Variants in LRRC8D observed in about 807,000 individuals in gnomAD.
The protein encoded by LRRC8D is leucine rich repeat containing 8 VRAC subunit D, also known as volume-regulated anion channel subunit LRRC8D.
Under a neutral mutation model 55.8 loss-of-function variants are expected in LRRC8D, and 20 were observed. The observed-to-expected ratio is 0.36, with a 90% CI of 0.25 to 0.52. The LOEUF (loss-of-function observed/expected upper bound fraction) is 0.52. LRRC8D is among the 20% of genes least tolerant of loss of function. The pLI is 0.93. For missense variants in LRRC8D, 651 were observed against 1,030.8 expected, an observed-to-expected ratio of 0.63 and a Z score of 5.05; for synonymous variants, 352 against 377.0, an observed-to-expected ratio of 0.93 and a Z score of 0.77.
At chr1:89,906,211 CG>C (rs1383918502) in intron 2 of LRRC8D, among the ~76,000 whole-genome samples, 1 of 152,148 alleles carries the variant, frequency 6.6e-6, no homozygotes, top group Admixed American at 6.5e-5. Flanking sequence ...AGAAAATGAG[CG>C]GAACAATTCC....
At chr1:89,827,343 C>CAA (rs35690511) in intron 1 of LRRC8D, among the ~76,000 whole-genome samples, 16 of 105,048 alleles carry the variant, frequency 1.5e-4, no homozygotes, top group African/African-American at 1.4e-4. Flanking sequence ...GAGACTGTCT[C>CAA]AAAAAAAAAA....
At chr1:89,892,246 G>A (rs1662595786) in intron 2 of LRRC8D, among the ~76,000 whole-genome samples, 1 of 152,176 alleles carries the variant, frequency 6.6e-6, no homozygotes, top group Non-Finnish European at 1.5e-5. Flanking sequence ...TTTAAATTAT[G>A]TACAAGGCTT....
At position 89,934,606 on chromosome 1, in the gene LRRC8D, C is replaced by T. The variant is rs764921968; in HGVS notation, c.1538C>T (p.Thr513Ile). ...ATTCCTGCTAAGATTTCTCAAATGA[C>T]TAACCTCCAAGAGCTCCACCTCTGC... ...AKIPAKISQMTNLQELHLCHC... is the reference protein window; with the variant it reads ...AKIPAKISQMINLQELHLCHC... Residue 513 changes from threonine to isoleucine, a missense_variant, in exon 3 of 3, where the codon ACT becomes ATT. Physicochemically the swap from Thr to Ile is moderately conservative, Grantham distance 89. Coordinates refer to ENST00000337338, the MANE Select transcript of LRRC8D (RefSeq NM_001134479.2). The surrounding 1 kb of genome is among the most constrained non-coding windows in gnomAD (Gnocchi z 5.9). The T allele has an allele frequency of 4.3e-6, 7 of 1,614,058 alleles. No homozygotes were observed. The highest frequency in any genetic ancestry group is 5.9e-6 in the Non-Finnish European group (7 of 1,180,038).
chr1:89,901,531 C>G (rs1189515158), intron 2 of LRRC8D, among the ~76,000 whole-genome samples: 1 of 152,178 alleles, frequency 6.6e-6, no homozygotes, highest in Non-Finnish European at 1.5e-5. Flanking sequence ...CCACTGTCTC[C>G]TTCATACTTC....
At chr1:89,871,601 T>G (rs1189464679) in intron 2 of LRRC8D, among the ~76,000 whole-genome samples, 1 of 152,258 alleles carries the variant, frequency 6.6e-6, no homozygotes, top group East Asian at 1.9e-4. Flanking sequence ...TGTCCATTTT[T>G]TTTCATTAAT....
chr1:89,860,867 C>T (rs1219515420), intron 2 of LRRC8D, among the ~76,000 whole-genome samples: 1 of 136,660 alleles, frequency 7.3e-6, no homozygotes, highest in Non-Finnish European at 1.5e-5. Context: ...TTCTTTTTAA[C>T]GTTCTCCATT....
chr1:89,881,243 G>C (rs1384446409), intron 2 of LRRC8D, among the ~76,000 whole-genome samples: 1 of 152,170 alleles, frequency 6.6e-6, no homozygotes. Context: ...AGGAAGGCTG[G>C]TAAAAGTGGG....
At chr1:89,926,065 A>T (rs745835910) in intron 2 of LRRC8D, among the ~76,000 whole-genome samples, 1 of 152,146 alleles carries the variant, frequency 6.6e-6, no homozygotes, top group African/African-American at 2.4e-5. Context: ...CTTCAGTCAA[A>T]ATTGTTTTCC....
At chr1:89,913,499 T>G (rs781590067) in intron 2 of LRRC8D, among the ~76,000 whole-genome samples, 38 of 152,246 alleles carry the variant, frequency 2.5e-4, no homozygotes, top group Non-Finnish European at 5.0e-4. Flanking sequence ...TAGAAAAGTA[T>G]GCCATGCAGA....
rs369102828 is a variant in LRRC8D at position 89,890,847 on chromosome 1, C to T, written c.-2-42220C>T. 2.0e-4 allele frequency among the ~76,000 whole-genome samples: 30 copies of T among 152,216 alleles called. No homozygotes were observed. The South Asian group carries it at 2.5e-3, about 13-fold the overall frequency. On this transcript the variant is annotated intron_variant, in intron 2 of 2. Coordinates refer to ENST00000337338, the MANE Select transcript of LRRC8D (RefSeq NM_001134479.2). ...CAGAATCCCACATAGTACTTAGTCTCCTCCAAGCCATGATGATAGTTCCTC... is the reference window on the plus strand; with the variant it reads ...CAGAATCCCACATAGTACTTAGTCTTCTCCAAGCCATGATGATAGTTCCTC...
intron 1 of LRRC8D, among the ~76,000 whole-genome samples, chr1:89,838,083 G>A (rs763146904): frequency 7.3e-4 from 111 of 152,196 alleles, no homozygotes; most frequent in Non-Finnish European, 1.4e-3. Flanking sequence ...GCCCAGGCCA[G>A]GCGTGGTGGC....
chr1:89,831,687 G>A (rs1029468386), intron 1 of LRRC8D, among the ~76,000 whole-genome samples: 28 of 152,300 alleles, frequency 1.8e-4, no homozygotes, highest in African/African-American at 6.7e-4. Context: ...AGTGTATCAT[G>A]TTAATGTGTA....
chr1:89,853,084 G>A (rs1281590777), intron 2 of LRRC8D, among the ~76,000 whole-genome samples: 1 of 152,122 alleles, frequency 6.6e-6, no homozygotes, highest in African/African-American at 2.4e-5. Flanking sequence ...GACATCATGA[G>A]GACCCAAACT....
chr1:89,857,382 C>CAAAAAA (rs759975883), intron 2 of LRRC8D, among the ~76,000 whole-genome samples: 13 of 62,988 alleles, frequency 2.1e-4, no homozygotes, highest in East Asian at 8.6e-4. Context: ...AACTCCATCT[C>CAAAAAA]AAAAAAAAAA....
chr1:89,917,684 C>G (rs1044557842), intron 2 of LRRC8D, among the ~76,000 whole-genome samples: 1 of 152,156 alleles, frequency 6.6e-6, no homozygotes, highest in Non-Finnish European at 1.5e-5. Flanking sequence ...CCATTATGCA[C>G]TTTCATAGTA....
intron 2 of LRRC8D, among the ~76,000 whole-genome samples, chr1:89,858,410 C>T (rs1049758867): frequency 1.3e-4 from 20 of 152,124 alleles, no homozygotes; most frequent in African/African-American, 7.2e-5. Context: ...CTCACCTCCC[C>T]ACCTTGTGAA....
chr1:89,853,741 C>T (rs1372508599), intron 2 of LRRC8D, among the ~76,000 whole-genome samples: 2 of 152,062 alleles, frequency 1.3e-5, no homozygotes, highest in African/African-American at 4.8e-5. Context: ...GAGATTGGAT[C>T]TGACAGTTAG....
intron 2 of LRRC8D, among the ~76,000 whole-genome samples, chr1:89,884,868 G>A (rs1232414965): frequency 6.6e-6 from 1 of 152,058 alleles, no homozygotes; most frequent in Non-Finnish European, 1.5e-5. Context: ...CCTTAGACCC[G>A]AACTATTACA....
intron 2 of LRRC8D, among the ~76,000 whole-genome samples, chr1:89,867,832 A>C (rs999436789): frequency 6.6e-6 from 1 of 152,186 alleles, no homozygotes; most frequent in Non-Finnish European, 1.5e-5. Context: ...ATAATGTTTT[A>C]CTAGATTCTC....
Sources: allele counts gnomAD v4.1 joint callset (sites outside exome capture counted in the v4.1 genomes callset), GRCh38; gene constraint gnomAD v4.1.1; non-coding constraint Gnocchi (gnomAD v3.1); transcripts MANE v1.5; gene names NCBI Gene and HGNC (gene_info 2026-07-23, HGNC 2026-07-21).